The following DCC variants were observed in gnomAD, a reference collection of about 807,000 sequenced individuals.
DCC encodes the protein netrin receptor DCC.
DCC carries 58 observed loss-of-function variants against 172.5 expected under a neutral mutation model. The ratio of observed to expected loss-of-function variants is 0.34; its 90% CI spans 0.27 to 0.42. The LOEUF (loss-of-function observed/expected upper bound fraction) is 0.42, where lower values mean the gene tolerates loss of function less well. Among genes scored for constraint, DCC ranks in the 10% least tolerant of loss-of-function variants. The probability of loss-of-function intolerance (pLI) is 1.00; values close to 1 mark genes in which losing one functional copy is unlikely to be tolerated. For synonymous variants in DCC, 709 were observed against 644.5 expected (o/e 1.10, Z -1.52); for missense variants, 1,740 against 1,791.0 (o/e 0.97, Z 0.51).
At chr18:53,092,559 A>T (rs1475237929) in intron 7 of DCC, among the ~76,000 whole-genome samples, 1 of 152,172 alleles carries the variant, frequency 6.6e-6, no homozygotes, top group South Asian at 2.1e-4. Context: ...TCCTAGGTAG[A>T]TATTTTGACA....
chr18:53,081,980 G>A (rs939554729), intron 7 of DCC, among the ~76,000 whole-genome samples: 19 of 152,036 alleles, frequency 1.2e-4, no homozygotes, highest in South Asian at 6.2e-4. Flanking sequence ...CTAAGGCACC[G>A]TAGATGGGGG....
At chr18:53,430,887 G>A (rs1484103474) in intron 21 of DCC, among the ~76,000 whole-genome samples, 1 of 152,048 alleles carries the variant, frequency 6.6e-6, no homozygotes, top group Non-Finnish European at 1.5e-5. Flanking sequence ...ACAGGTAGCA[G>A]GGAGATCAAG....
chr18:52,385,109 T>C (rs1053677400), intron 1 of DCC, among the ~76,000 whole-genome samples: 3 of 152,096 alleles, frequency 2.0e-5, no homozygotes, highest in Non-Finnish European at 4.4e-5. Flanking sequence ...GAAAATTAAA[T>C]GTGAATGGTT....
chr18:52,929,741 TAAATAA>T (rs910510289), intron 5 of DCC, among the ~76,000 whole-genome samples: 2 of 151,624 alleles, frequency 1.3e-5, no homozygotes, highest in Admixed American at 6.6e-5. Flanking sequence ...AAAAATGAGA[TAAATAA>T]AAATGTTAAA....
intron 1 of DCC, among the ~76,000 whole-genome samples, chr18:52,524,091 G>A (rs556001874): frequency 2.6e-5 from 4 of 152,264 alleles, no homozygotes; most frequent in African/African-American, 9.6e-5. Context: ...TTATAGGCAA[G>A]CCTATTTAGG....
intron 1 of DCC, among the ~76,000 whole-genome samples, chr18:52,418,400 G>A (rs1431728349): frequency 6.6e-6 from 1 of 152,134 alleles, no homozygotes; most frequent in Non-Finnish European, 1.5e-5. Flanking sequence ...TTATACTAGT[G>A]CAAGCAGTGT....
chr18:52,577,241 T>C (rs2033436522), intron 1 of DCC, among the ~76,000 whole-genome samples: 1 of 152,244 alleles, frequency 6.6e-6, no homozygotes, highest in Non-Finnish European at 1.5e-5. Flanking sequence ...TCAGACATTT[T>C]AATTTTTGCT....
At position 53,026,761 on chromosome 18, in the gene DCC, C is replaced by T. The variant is rs182004390; in HGVS notation, c.986-36544C>T. ...ATTTTTTTTTATAGAAACAGTCTTACTATGTTGTCCAGGCTGGTCTTGAAC... is the reference window on the plus strand; with the variant it reads ...ATTTTTTTTTATAGAAACAGTCTTATTATGTTGTCCAGGCTGGTCTTGAAC... On this transcript the variant is annotated intron_variant, in intron 5 of 28. Transcript: ENST00000442544. 2.5e-3 allele frequency among the ~76,000 whole-genome samples: 385 copies of T among 152,032 alleles called. 2 individuals are homozygous for T. Among genetic ancestry groups the T allele is most frequent in the Middle Eastern group, 3.4e-3 (1 of 294 alleles).
chr18:53,090,879 G>A (rs2042997789), intron 7 of DCC, among the ~76,000 whole-genome samples: 1 of 151,864 alleles, frequency 6.6e-6, no homozygotes, highest in Non-Finnish European at 1.5e-5. Flanking sequence ...GGAGGAAATG[G>A]TGGTGGCATG....
At chr18:52,648,229 C>G (rs1215229047) in intron 1 of DCC, among the ~76,000 whole-genome samples, 2 of 152,192 alleles carry the variant, frequency 1.3e-5, no homozygotes, top group Non-Finnish European at 2.9e-5. Context: ...AGTGACAGCA[C>G]TTTGGTAGCT....
intron 1 of DCC, among the ~76,000 whole-genome samples, chr18:52,719,201 A>ATTTCATC (rs2036435506): frequency 6.6e-6 from 1 of 151,342 alleles, no homozygotes; most frequent in Non-Finnish European, 1.5e-5. Context: ...ACACAGGATG[A>ATTTCATC]TTTCATCCTG....
chr18:53,305,767 G>T, intron 13 of DCC, 48 bp downstream of exon 13: 3 of 1,582,762 alleles, frequency 1.9e-6, no homozygotes, highest in Non-Finnish European at 2.6e-6. Context: ...TGAATTAAAT[G>T]CTTTAGGAAT....
intron 1 of DCC, among the ~76,000 whole-genome samples, chr18:52,393,450 G>A (rs1986103991): frequency 6.6e-6 from 1 of 151,988 alleles, no homozygotes; most frequent in South Asian, 2.1e-4. Context: ...GTGAGACCTA[G>A]CAATCCATAT....
At chr18:52,775,303 C>T (rs186344745) in intron 2 of DCC, among the ~76,000 whole-genome samples, 141 of 152,262 alleles carry the variant, frequency 9.3e-4, no homozygotes, top group Middle Eastern at 3.4e-3. Context: ...TGAATGTTTA[C>T]AGCTCCTGAA....
At chr18:52,731,990 A>G (rs2036649798) in intron 1 of DCC, among the ~76,000 whole-genome samples, 1 of 152,136 alleles carries the variant, frequency 6.6e-6, no homozygotes, top group Non-Finnish European at 1.5e-5. Context: ...ACGGCTTTCT[A>G]TATGCATTGC....
intron 5 of DCC, among the ~76,000 whole-genome samples, chr18:53,011,602 T>C (rs1040387731): frequency 6.6e-6 from 1 of 151,852 alleles, no homozygotes; most frequent in Non-Finnish European, 1.5e-5. Context: ...GAGATAAAAT[T>C]GCTATGTAAA....
At chr18:52,862,772 A>G (rs117847393) in intron 2 of DCC, among the ~76,000 whole-genome samples, 3,333 of 152,264 alleles carry the variant, frequency 0.022, 66 homozygotes, top group Admixed American at 0.041. Flanking sequence ...CAGAGAGGAG[A>G]ATCAGGTTTC....
intron 7 of DCC, among the ~76,000 whole-genome samples, chr18:53,136,230 C>T (rs1325111732): frequency 8.2e-6 from 1 of 121,810 alleles, no homozygotes; most frequent in Non-Finnish European, 1.8e-5. Flanking sequence ...TACACACACA[C>T]ACACATACAT....
At chr18:52,786,203 G>T (rs546842737) in intron 2 of DCC, among the ~76,000 whole-genome samples, 34 of 152,142 alleles carry the variant, frequency 2.2e-4, no homozygotes, top group Non-Finnish European at 4.3e-4. Flanking sequence ...CAGGTTATGG[G>T]CATCCTATTT....
Sources: gnomAD v4.1 joint callset for allele counts (sites outside exome capture counted in the v4.1 genomes callset) on GRCh38, gnomAD v4.1.1 for gene constraint, MANE v1.5 for transcripts, NCBI Gene and HGNC (gene_info 2026-07-23, HGNC 2026-07-21) for gene names.